The following COL5A2 variants were observed in gnomAD, a reference collection of about 807,000 sequenced individuals.
The protein encoded by COL5A2 is collagen alpha-2(V) chain.
COL5A2 carries 23 observed loss-of-function variants against 208.2 expected under a neutral mutation model. The ratio of observed to expected loss-of-function variants is 0.11; its 90% confidence interval spans 0.08 to 0.16. The LOEUF (loss-of-function observed/expected upper bound fraction) is 0.16, where lower values mean the gene tolerates loss of function less well. Ranked by LOEUF, COL5A2 falls within the 10% of genes least tolerant of loss-of-function variation. The probability of loss-of-function intolerance (pLI) is 1.00; values close to 1 mark genes in which losing one functional copy is unlikely to be tolerated. For synonymous variants in COL5A2, 625 were observed against 628.5 expected (o/e 0.99, Z 0.08); for missense variants, 1,590 against 1,956.4 (o/e 0.81, Z 3.53).
chr2:189,081,450 C>T (rs930839150), intron 12 of COL5A2, among the ~76,000 whole-genome samples: 1 of 152,062 alleles, frequency 6.6e-6, no homozygotes. Flanking sequence ...ATAAAATATC[C>T]TTTTCCTTCT....
chr2:189,425,802 G>A, the COL5A2 span, among the ~76,000 whole-genome samples: 87 of 152,088 alleles, frequency 5.7e-4, 2 homozygotes, highest in Non-Finnish European at 2.4e-4. Context: ...AAAGTGTGTA[G>A]CACCTCCCTC....
the COL5A2 span, among the ~76,000 whole-genome samples, chr2:189,321,446 G>C: frequency 6.6e-6 from 1 of 152,036 alleles, no homozygotes; most frequent in African/African-American, 2.4e-5. Context: ...GACACACATA[G>C]GCTCAAAATA....
rs1686108019 is a variant in COL5A2, at chr2:189,064,675, A to G, written c.1618-20T>C. ...AGCACCCTGTACCGAGGCAAAGCAG[A>G]TGCATGAAGAAAAAGAGTATAGAAA... On this transcript the variant is annotated intron_variant, in intron 24 of 53. Transcript: ENST00000374866. 6.6e-7 allele frequency: 1 copy of G among 1,509,584 alleles called. No individual in the cohort carries two copies. The highest frequency in any genetic ancestry group is 1.7e-5 in the Admixed American group (1 of 59,848). 93.5% of individuals were successfully genotyped at this position (1,509,584 alleles called of 1,614,324 possible).
chr2:189,042,953 T>C (rs1326994183), intron 48 of COL5A2, among the ~76,000 whole-genome samples, 180 bp from the exon 49 acceptor site: 1 of 152,236 alleles, frequency 6.6e-6, no homozygotes, highest in East Asian at 1.9e-4. Context: ...ACAGTGCATA[T>C]AGCTTTTGCT....
chr2:189,178,794 G>A (rs1453957793), intron 1 of COL5A2, among the ~76,000 whole-genome samples: 4 of 150,460 alleles, frequency 2.7e-5, no homozygotes, highest in Non-Finnish European at 5.9e-5. Flanking sequence ...TACAAGACAT[G>A]CTGATTTCCT....
chr2:189,246,983 G>A, the COL5A2 span, among the ~76,000 whole-genome samples: 1 of 152,228 alleles, frequency 6.6e-6, no homozygotes, highest in South Asian at 2.1e-4. Context: ...AATTTAAAGA[G>A]CTACATCAAA....
the COL5A2 span, among the ~76,000 whole-genome samples, chr2:189,292,187 C>A: frequency 1.3e-5 from 2 of 152,030 alleles, no homozygotes; most frequent in Non-Finnish European, 1.5e-5. Context: ...GTAGATGAAG[C>A]CACATATATT....
upstream of COL5A2, among the ~76,000 whole-genome samples, chr2:189,226,161 A>G (rs2105883543): frequency 6.6e-6 from 1 of 152,226 alleles, no homozygotes; most frequent in South Asian, 2.1e-4. Flanking sequence ...TCTCCTAGCT[A>G]TTTTCTCTAC....
At chr2:189,066,664 A>C in intron 22 of COL5A2, 65 bp downstream of exon 22, 1 of 1,404,130 alleles carries the variant, frequency 7.1e-7, no homozygotes, top group East Asian at 2.3e-5. Context: ...ACCCTTGAGC[A>C]TTTTGAGCTG....
At chr2:189,175,544 C>CTTTTTT (rs35381713) in intron 1 of COL5A2, among the ~76,000 whole-genome samples, 1 of 125,412 alleles carries the variant, frequency 8.0e-6, no homozygotes, top group Non-Finnish European at 1.6e-5. Context: ...AAAAAGAAAA[C>CTTTTTT]TTTTTTTTTT....
intron 42 of COL5A2, 90 bp from the exon 43 acceptor site, chr2:189,050,766 T>C (rs1308275248): frequency 9.2e-7 from 1 of 1,082,634 alleles, no homozygotes; most frequent in Non-Finnish European, 1.4e-6. Context: ...GCTTTACAGG[T>C]TTTTCAGTAT....
intron 1 of COL5A2, among the ~76,000 whole-genome samples, chr2:189,197,875 A>G (rs1413328171): frequency 1.4e-5 from 2 of 147,224 alleles, no homozygotes; most frequent in Non-Finnish European, 3.0e-5. Flanking sequence ...TTTGAGATGG[A>G]GTCTCGCTCT....
At chr2:189,098,030 GT>G (rs749683099) in intron 5 of COL5A2, among the ~76,000 whole-genome samples, 1 of 151,534 alleles carries the variant, frequency 6.6e-6, no homozygotes. Flanking sequence ...ATCTTAAAAT[GT>G]TTTTCCCCCC....
At chr2:189,396,781 G>T in the COL5A2 span, among the ~76,000 whole-genome samples, 126,271 of 151,386 alleles carry the variant, frequency 0.83, 54,367 homozygotes, top group Non-Finnish European at 0.95. Context: ...TCACCTGAGG[G>T]GAGGAGTTTG....
chr2:189,427,520 G>T, the COL5A2 span, among the ~76,000 whole-genome samples: 4 of 152,262 alleles, frequency 2.6e-5, no homozygotes, highest in East Asian at 7.8e-4. Context: ...TATGAGAAGA[G>T]GACCACCATC....
chr2:189,109,751 A>C (rs1687223411), intron 2 of COL5A2, among the ~76,000 whole-genome samples: 1 of 152,202 alleles, frequency 6.6e-6, no homozygotes, highest in Non-Finnish European at 1.5e-5. Flanking sequence ...CATGAAAAGC[A>C]TTCTGCATTT....
intron 22 of COL5A2, 42 bp downstream of exon 22, chr2:189,066,687 C>A: frequency 1.3e-6 from 2 of 1,527,626 alleles, no homozygotes; most frequent in Non-Finnish European, 1.8e-6. Flanking sequence ...CACTTCCAGA[C>A]AATACTATGT....
chr2:189,241,931 C>T, the COL5A2 span, among the ~76,000 whole-genome samples: 1 of 152,162 alleles, frequency 6.6e-6, no homozygotes, highest in Admixed American at 6.5e-5. Context: ...AATGGTATCC[C>T]ATTTTATGTA....
chr2:189,420,298 T>C, the COL5A2 span, among the ~76,000 whole-genome samples: 5 of 152,158 alleles, frequency 3.3e-5, no homozygotes, highest in Admixed American at 2.0e-4. Context: ...ATGAATTACT[T>C]AGTAAACATA....
Sources: allele counts gnomAD v4.1 joint callset (sites outside exome capture counted in the v4.1 genomes callset), GRCh38; gene constraint gnomAD v4.1.1; transcripts MANE v1.5; gene names NCBI Gene and HGNC (gene_info 2026-07-23, HGNC 2026-07-21).